RBFOX1: variants seen among roughly 807,000 people sequenced by gnomAD.
RBFOX1 encodes the protein RNA binding fox-1 homolog 1, also known as RNA binding protein fox-1 homolog 1.
RBFOX1 carries 8 observed loss-of-function variants against 57.7 expected under a neutral mutation model. The ratio of observed to expected loss-of-function variants is 0.14; its 90% CI spans 0.08 to 0.25. The LOEUF is 0.25. Among genes scored for constraint, RBFOX1 ranks in the 10% least tolerant of loss-of-function variants. The pLI, the probability that RBFOX1 is intolerant of heterozygous loss-of-function variation, is 1.00. For missense variants in RBFOX1, 611 were observed against 548.5 expected, an observed-to-expected ratio of 1.11 and a Z score of -1.14; for synonymous variants, 326 against 222.4, an observed-to-expected ratio of 1.47 and a Z score of -4.15.
chr16:6,136,506 G>T (rs938352627), intron 1 of RBFOX1, among the ~76,000 whole-genome samples: 7 of 152,134 alleles, frequency 4.6e-5, no homozygotes, highest in Non-Finnish European at 7.4e-5. Flanking sequence ...TCTCTTTTCT[G>T]ACCATATTTT....
intron 10 of RBFOX1, among the ~76,000 whole-genome samples, chr16:7,613,628 C>T (rs1336445504): frequency 1.3e-5 from 2 of 152,048 alleles, no homozygotes; most frequent in African/African-American, 2.4e-5. Context: ...TTTACCCATA[C>T]CAAAGGTATT....
At chr16:7,389,582 A>G (rs901481707) in intron 4 of RBFOX1, among the ~76,000 whole-genome samples, 7 of 152,182 alleles carry the variant, frequency 4.6e-5, no homozygotes, top group Non-Finnish European at 1.0e-4. Flanking sequence ...CTTTAGCCAA[A>G]TCCTATGGTA....
chr16:6,093,886 C>T lies in RBFOX1; in HGVS notation c.-127+73894C>T, dbSNP rs75006012. 3.5e-3 allele frequency among the ~76,000 whole-genome samples: 528 copies of T among 152,120 alleles called. 9 individuals are homozygous for T. The East Asian group carries it at 0.052, about 15-fold the overall frequency. On this transcript the variant is annotated intron_variant, in intron 1 of 15. Transcript: ENST00000550418. Reference sequence around the variant, plus strand: ...TCTCCCTCCTCCGCCTCCCAAAGTTCTGAGATTACAGACTGGAGCCCCTGT... The same window carrying T: ...TCTCCCTCCTCCGCCTCCCAAAGTTTTGAGATTACAGACTGGAGCCCCTGT...
chr16:7,521,413 G>T (rs967447242), intron 5 of RBFOX1, among the ~76,000 whole-genome samples: 8 of 152,188 alleles, frequency 5.3e-5, no homozygotes, highest in Admixed American at 2.6e-4. Context: ...GTTATGAAAT[G>T]AGACATAAAA....
intron 3 of RBFOX1, among the ~76,000 whole-genome samples, chr16:6,877,550 A>T (rs2062073797): frequency 6.6e-6 from 1 of 152,176 alleles, no homozygotes; most frequent in Non-Finnish European, 1.5e-5. Flanking sequence ...ATTCGGAACA[A>T]CTTCTGAATT....
At chr16:7,396,632 C>T (rs75877167) in intron 4 of RBFOX1, among the ~76,000 whole-genome samples, 4,229 of 152,272 alleles carry the variant, frequency 0.028, 140 homozygotes, top group African/African-American at 0.076. Flanking sequence ...GAAATAAGGA[C>T]AACACTTCTC....
intron 1 of RBFOX1, among the ~76,000 whole-genome samples, chr16:6,152,082 A>G (rs2152726123): frequency 6.6e-6 from 1 of 152,330 alleles, no homozygotes; most frequent in Admixed American, 6.5e-5. Context: ...TTTATTGGCC[A>G]GGAGAAGAAA....
chr16:7,278,979 T>A (rs1191772303), intron 4 of RBFOX1, among the ~76,000 whole-genome samples: 1 of 152,140 alleles, frequency 6.6e-6, no homozygotes, highest in Non-Finnish European at 1.5e-5. Context: ...TAAAAAATAT[T>A]TGATTATATT....
chr16:5,637,856 C>T (rs1199760329), intron 3 of RBFOX1, among the ~76,000 whole-genome samples: 2 of 152,180 alleles, frequency 1.3e-5, no homozygotes, highest in Non-Finnish European at 2.9e-5. Context: ...GGGGCCTCTC[C>T]TACCGCCTTA....
At chr16:6,909,849 C>G (rs550755673) in intron 3 of RBFOX1, among the ~76,000 whole-genome samples, 1 of 152,090 alleles carries the variant, frequency 6.6e-6, no homozygotes, top group African/African-American at 2.4e-5. Context: ...GGTGTCTGCT[C>G]GGACCACCCT....
At position 6,836,259 on chromosome 16, in the gene RBFOX1, C is replaced by T. The variant is rs138551412; in HGVS notation, c.-16+181609C>T. On this transcript the variant is annotated intron_variant, in intron 3 of 15. Coordinates refer to ENST00000550418, the MANE Select transcript of RBFOX1 (RefSeq NM_018723.4). ...ACAGTCCTAACTTCCCATCTGGCTT[C>T]TTAAAATCTGTTTTACAAGCAATGA... Among the ~76,000 whole-genome samples, 36 of 152,284 alleles carry T rather than the reference C, an allele frequency of 2.4e-4. No individual in the cohort carries two copies. In the East Asian group the frequency reaches 6.6e-3, roughly 28 times the overall value.
At chr16:7,176,117 T>C (rs767137244) in intron 4 of RBFOX1, among the ~76,000 whole-genome samples, 9 of 151,142 alleles carry the variant, frequency 6.0e-5, no homozygotes, top group Admixed American at 1.3e-4. Context: ...TTTAATCAAA[T>C]TTTTTTTATT....
At chr16:6,985,338 C>G (rs2090003164) in intron 3 of RBFOX1, among the ~76,000 whole-genome samples, 1 of 152,134 alleles carries the variant, frequency 6.6e-6, no homozygotes, top group African/African-American at 2.4e-5. Context: ...TTAACTTATG[C>G]TGCACACACA....
At position 6,112,317 on chromosome 16, in the gene RBFOX1, C is replaced by G. The variant is rs568415922; in HGVS notation, c.-127+92325C>G. The stretch of plus-strand genomic sequence containing the variant: ...GTAAATGGTCCTTCAAATGTTTATC[C>G]GATATGTGCATTCTAATAGAGAAAT... On this transcript the variant is annotated intron_variant, in intron 1 of 15. Coordinates refer to ENST00000550418, the MANE Select transcript of RBFOX1 (RefSeq NM_018723.4). Among the ~76,000 whole-genome samples the G allele has an allele frequency of 8.0e-4, 122 of 152,208 alleles. 3 individuals carry two copies. The Middle Eastern group carries it at 0.01, about 13-fold the overall frequency.
At chr16:7,490,731 A>G (rs890552030) in intron 4 of RBFOX1, among the ~76,000 whole-genome samples, 3 of 152,276 alleles carry the variant, frequency 2.0e-5, no homozygotes, top group East Asian at 1.9e-4. Context: ...AGCTTTCACT[A>G]AACCTCAAAT....
At chr16:6,080,659 A>G (rs1365094232) in intron 1 of RBFOX1, among the ~76,000 whole-genome samples, 3 of 152,348 alleles carry the variant, frequency 2.0e-5, no homozygotes, top group Admixed American at 1.3e-4. Context: ...GAACAGGGGT[A>G]TATATTTTTA....
At chr16:5,909,421 A>G (rs945806240) in intron 4 of RBFOX1, among the ~76,000 whole-genome samples, 1 of 152,164 alleles carries the variant, frequency 6.6e-6, no homozygotes, top group Non-Finnish European at 1.5e-5. Flanking sequence ...ATAAAATAAA[A>G]TAATAGAGAA....
At chr16:5,901,841 T>C (rs1196819957) in intron 4 of RBFOX1, among the ~76,000 whole-genome samples, 1 of 152,204 alleles carries the variant, frequency 6.6e-6, no homozygotes, top group Non-Finnish European at 1.5e-5. Flanking sequence ...GCTTATCATT[T>C]CGTCTCTGCT....
rs138139323 is a variant in RBFOX1, at chr16:7,069,814, C to T, written c.27+17716C>T. 9.9e-4 allele frequency among the ~76,000 whole-genome samples: 151 copies of T among 152,308 alleles called. 1 individual carries two copies. The highest frequency in any genetic ancestry group is 3.6e-3 in the African/African-American group (148 of 41,578). ...CTCGTTAACAAAAATTGTGTTCCTC[C>T]TATCCATGTCTCAATTTCCATTCCC... is the stretch of plus-strand genomic sequence containing the variant. On this transcript the variant is annotated intron_variant, in intron 4 of 15. Coordinates refer to ENST00000550418, the MANE Select transcript of RBFOX1 (RefSeq NM_018723.4).
Sources: allele counts gnomAD v4.1 joint callset (sites outside exome capture counted in the v4.1 genomes callset), GRCh38; gene constraint gnomAD v4.1.1; transcripts MANE v1.5; gene names NCBI Gene and HGNC (gene_info 2026-07-23, HGNC 2026-07-21).